The following PRPF39 variants were observed in gnomAD, a reference collection of about 807,000 sequenced individuals.
PRPF39 encodes the protein pre-mRNA processing factor 39, also known as pre-mRNA-processing factor 39.
Under a neutral mutation model 82.1 loss-of-function variants are expected in PRPF39, and 27 were observed. The observed-to-expected ratio is 0.33, with a 90% CI of 0.24 to 0.45. The LOEUF (loss-of-function observed/expected upper bound fraction) is 0.45. Ranked by LOEUF, PRPF39 falls within the 20% of genes least tolerant of loss-of-function variation. PRPF39 has a pLI of 1.00. For synonymous variants in PRPF39, 261 were observed against 256.4 expected (o/e 1.02, Z -0.17); for missense variants, 581 against 796.9 (o/e 0.73, Z 3.26).
chr14:45,112,970 G>C (rs1252934691), intron 11 of PRPF39, among the ~76,000 whole-genome samples: 1 of 152,188 alleles, frequency 6.6e-6, no homozygotes, highest in Non-Finnish European at 1.5e-5. Flanking sequence ...GCCGAAAGTT[G>C]AGGATGGTTG....
intron 11 of PRPF39, among the ~76,000 whole-genome samples, chr14:45,113,666 G>T (rs919792721): frequency 1.3e-5 from 2 of 152,166 alleles, no homozygotes; most frequent in Non-Finnish European, 2.9e-5. Context: ...GATGTCTCTC[G>T]ATCAGAATGG....
intron 5 of PRPF39, among the ~76,000 whole-genome samples, chr14:45,106,485 A>G (rs1884536527): frequency 6.6e-6 from 1 of 151,762 alleles, no homozygotes; most frequent in Non-Finnish European, 1.5e-5. Context: ...TAGCTCCTCA[A>G]CCTGGTATTT....
At chr14:45,109,125 C>T (rs1226564637) in intron 7 of PRPF39, among the ~76,000 whole-genome samples, 1 of 152,180 alleles carries the variant, frequency 6.6e-6, no homozygotes, top group Non-Finnish European at 1.5e-5. Flanking sequence ...CTTTTTGTTT[C>T]TGTAGATTTC....
At chr14:45,099,986 T>C (rs1333031504) in intron 4 of PRPF39, among the ~76,000 whole-genome samples, 1 of 152,126 alleles carries the variant, frequency 6.6e-6, no homozygotes, top group Non-Finnish European at 1.5e-5. Flanking sequence ...TAACAAGCTA[T>C]ATGAGCCAGG....
intron 1 of PRPF39, among the ~76,000 whole-genome samples, chr14:45,089,015 T>C (rs189026339): frequency 6.6e-6 from 1 of 152,356 alleles, no homozygotes; most frequent in Admixed American, 6.5e-5. Flanking sequence ...ATTACAGATA[T>C]GATATGCAAA....
Position 45,096,979 on chromosome 14 carries a change from T to C in PRPF39, c.543T>C (p.Asp181=). The C allele has an allele frequency of 1.3e-6, 2 of 1,550,370 alleles. No homozygotes were observed. Among genetic ancestry groups the C allele is most frequent in the Admixed American group, 2.0e-5 (1 of 49,894 alleles). Residue 181 remains aspartate, a synonymous_variant, in exon 4 of 14, where the codon GAT becomes GAC. Coordinates refer to ENST00000355765, the MANE Select transcript of PRPF39 (RefSeq NM_017922.4). ...NFLKETLDPG[D]PETNNTIRGT... The stretch of plus-strand genomic sequence containing the variant: ...TAAAAGAAACATTGGACCCTGGTGA[T>C]CCTGAGACAAACAATACAATAAGAG...
chr14:45,109,546 T>G (rs1199897542), intron 7 of PRPF39, 70 bp from the exon 8 acceptor site: 1 of 1,284,038 alleles, frequency 7.8e-7, no homozygotes, highest in Non-Finnish European at 1.1e-6. Context: ...TTATTTGTAT[T>G]AACACTGTAC....
At chr14:45,106,355 G>T (rs1884532796) in intron 5 of PRPF39, among the ~76,000 whole-genome samples, 2 of 151,902 alleles carry the variant, frequency 1.3e-5, no homozygotes, top group Non-Finnish European at 2.9e-5. Context: ...TCTCACACAA[G>T]AAAATAAAGA....
At chr14:45,099,745 A>G (rs1193450237) in intron 4 of PRPF39, among the ~76,000 whole-genome samples, 3 of 152,178 alleles carry the variant, frequency 2.0e-5, no homozygotes, top group Admixed American at 6.5e-5. Context: ...CGCCCGGCCC[A>G]GATTCTTAAT....
intron 1 of PRPF39, among the ~76,000 whole-genome samples, chr14:45,084,569 A>G (rs1883761812): frequency 6.6e-6 from 1 of 152,112 alleles, no homozygotes. Context: ...CTTCTCCCGG[A>G]GCTGGAACAC....
rs1243766679 is a variant in PRPF39 at position 45,114,836 on chromosome 14, ATACT to A, written c.1954-15_1954-12del. 9 of 1,568,542 alleles carry A rather than the reference ATACT, an allele frequency of 5.7e-6. No individual in the cohort carries two copies. Among genetic ancestry groups the A allele is most frequent in the South Asian group, 1.1e-5 (1 of 89,808 alleles). On this transcript the variant is annotated splice_polypyrimidine_tract_variant and intron_variant, in intron 13 of 13. Coordinates refer to ENST00000355765, the MANE Select transcript of PRPF39 (RefSeq NM_017922.4). The stretch of plus-strand genomic sequence containing the variant: ...TCTGCCACAGTTCTAATATGCTAAC[ATACT>A]TACTTTTTCCTTTCAGTACAATTAT...
intron 5 of PRPF39, among the ~76,000 whole-genome samples, chr14:45,103,574 A>C (rs1213420699): frequency 6.6e-6 from 1 of 152,100 alleles, no homozygotes; most frequent in African/African-American, 2.4e-5. Flanking sequence ...GTAAAGTACT[A>C]AGGATCAATG....
chr14:45,105,692 A>G (rs1294117129), intron 5 of PRPF39, among the ~76,000 whole-genome samples: 1 of 151,578 alleles, frequency 6.6e-6, no homozygotes, highest in Non-Finnish European at 1.5e-5. Flanking sequence ...ACACGGAGCT[A>G]ATTTTTGTAT....
chr14:45,107,664 T>TA (rs1566697564), intron 6 of PRPF39, 48 bp downstream of exon 6: 6 of 1,511,654 alleles, frequency 4.0e-6, no homozygotes, highest in Admixed American at 2.0e-5. Context: ...TATGGTGGCT[T>TA]ATGCCTGTAA....
chr14:45,114,704 C>A, intron 13 of PRPF39, 90 bp downstream of exon 13: 1 of 1,462,260 alleles, frequency 6.8e-7, no homozygotes, highest in Non-Finnish European at 9.3e-7. Context: ...GTTTTTGTTC[C>A]AATTGTGTAA....
rs757866363 is a variant in PRPF39, at chr14:45,096,952, C to T, written c.516C>T (p.Phe172=). The change falls in exon 4 of 14, where the codon TTC becomes TTT. Residue 172 remains phenylalanine, a synonymous_variant. Coordinates refer to ENST00000355765, the MANE Select transcript of PRPF39 (RefSeq NM_017922.4). ...SVDLWIHYIN[F]LKETLDPGDP... is the part of the protein sequence containing the mutation. ...ACCTTTGGATACATTATATAAACTT[C>T]TTAAAAGAAACATTGGACCCTGGTG... 6.4e-7 allele frequency: 1 copy of T among 1,553,440 alleles called. No homozygotes were observed. The highest frequency in any genetic ancestry group is 1.2e-5 in the South Asian group (1 of 83,674).
At chr14:45,107,867 T>G (rs1884583684) in intron 6 of PRPF39, among the ~76,000 whole-genome samples, 1 of 151,586 alleles carries the variant, frequency 6.6e-6, no homozygotes, top group African/African-American at 2.4e-5. Context: ...AGGCGGAGGT[T>G]GCAGTGAGCT....
rs142874095 is a variant in PRPF39 at position 45,110,361 on chromosome 14, G to A, written c.1303+141G>A. Reference sequence around the variant, plus strand: ...AAGGGCCAGATAGTAAAAGCCACGTGTTCTGACTTTCAGGCTTTGTAAGCC... The same window carrying A: ...AAGGGCCAGATAGTAAAAGCCACGTATTCTGACTTTCAGGCTTTGTAAGCC... On this transcript the variant is annotated intron_variant, in intron 9 of 13. Transcript: ENST00000355765. This position sits in a 1 kb window ranked among gnomAD's most constrained non-coding sequence, Gnocchi z 4.0. 5.5e-4 allele frequency: 723 copies of A among 1,320,416 alleles called. 4 individuals are homozygous for A. The African/African-American group carries it at 9.4e-3, about 17-fold the overall frequency. The allele number at this position is 1,320,416 out of a possible 1,614,324, so 81.8% of individuals were successfully genotyped here.
At chr14:45,087,041 C>A (rs1883853546) in intron 1 of PRPF39, among the ~76,000 whole-genome samples, 1 of 151,890 alleles carries the variant, frequency 6.6e-6, no homozygotes, top group Admixed American at 6.6e-5. Context: ...AAACATTGAT[C>A]CAGAGGGGAG....
Sources: gnomAD v4.1 joint callset for allele counts (sites outside exome capture counted in the v4.1 genomes callset) on GRCh38, gnomAD v4.1.1 for gene constraint, Gnocchi (gnomAD v3.1) non-coding constraint, MANE v1.5 for transcripts, NCBI Gene and HGNC (gene_info 2026-07-23, HGNC 2026-07-21) for gene names.